The following TUSC3 variants were observed in gnomAD, a reference collection of about 807,000 sequenced individuals.
TUSC3 encodes the protein dolichyl-diphosphooligosaccharide--protein glycosyltransferase subunit TUSC3.
In TUSC3, 45 loss-of-function variants were observed where a neutral mutation model predicts 44.8. That is an observed-to-expected ratio of 1.00 (90% CI 0.79 to 1.29). The LOEUF (loss-of-function observed/expected upper bound fraction) is 1.29. TUSC3 is among the 50% of genes most tolerant of loss of function. The probability of loss-of-function intolerance (pLI) is 0.00; values close to 1 mark genes in which losing one functional copy is unlikely to be tolerated. For missense variants in TUSC3, 519 were observed against 437.9 expected (o/e 1.19, Z -1.65); for synonymous variants, 212 against 152.9 (o/e 1.39, Z -2.85).
At chr8:15,687,214 A>G (rs1441779427) in intron 6 of TUSC3, among the ~76,000 whole-genome samples, 1 of 152,260 alleles carries the variant, frequency 6.6e-6, no homozygotes, top group Admixed American at 6.5e-5. Flanking sequence ...TCTGATTAAC[A>G]TATTTGTTAG....
intron 1 of TUSC3, among the ~76,000 whole-genome samples, chr8:15,473,205 A>T (rs1800519799): frequency 6.6e-6 from 1 of 152,162 alleles, no homozygotes; most frequent in Non-Finnish European, 1.5e-5. Context: ...TGTCAATATT[A>T]TATTTGGAAG....
intron 1 of TUSC3, among the ~76,000 whole-genome samples, chr8:15,450,225 T>C (rs916291144): frequency 1.4e-5 from 2 of 147,214 alleles, no homozygotes; most frequent in Non-Finnish European, 3.1e-5. Context: ...ATCATTTTTC[T>C]TTTCTTTTTT....
intron 3 of TUSC3, among the ~76,000 whole-genome samples, chr8:15,658,778 G>C (rs139093718): frequency 0.016 from 2,365 of 151,520 alleles, 29 homozygotes; most frequent in Non-Finnish European, 0.024. Context: ...TATGTTTTTA[G>C]ATATTGTTAA....
intron 1 of TUSC3, among the ~76,000 whole-genome samples, chr8:15,478,519 C>T (rs1467406110): frequency 3.9e-5 from 6 of 152,142 alleles, no homozygotes; most frequent in Non-Finnish European, 7.3e-5. Context: ...TAAGTGAGAA[C>T]ATGCAATGTT....
At chr8:15,513,359 T>C (rs966078112) in intron 2 of TUSC3, among the ~76,000 whole-genome samples, 1 of 152,200 alleles carries the variant, frequency 6.6e-6, no homozygotes, top group Admixed American at 6.5e-5. Flanking sequence ...TGGAAGTTGC[T>C]GGTTGGAAGT....
intron 1 of TUSC3, among the ~76,000 whole-genome samples, chr8:15,543,159 A>G (rs1460439169): frequency 6.6e-6 from 1 of 152,232 alleles, no homozygotes; most frequent in Non-Finnish European, 1.5e-5. Flanking sequence ...AGCTGACTTT[A>G]AAACCTGATG....
chr8:15,419,840 C>G (rs142706304), intron 1 of TUSC3, among the ~76,000 whole-genome samples: 103 of 152,248 alleles, frequency 6.8e-4, no homozygotes, highest in African/African-American at 2.3e-3. Flanking sequence ...GTAAAGATTA[C>G]TTCATACAAT....
intron 1 of TUSC3, among the ~76,000 whole-genome samples, chr8:15,562,053 C>T (rs1802494544): frequency 6.6e-6 from 1 of 152,214 alleles, no homozygotes; most frequent in South Asian, 2.1e-4. Flanking sequence ...TTTAAGTAGG[C>T]CTTCATAGCT....
At chr8:15,769,837 T>TAG (rs1360223901), downstream of TUSC3, among the ~76,000 whole-genome samples, 1 of 152,180 alleles carries the variant, frequency 6.6e-6, no homozygotes, top group African/African-American at 2.4e-5. Context: ...CACTGGGCAT[T>TAG]AGAGAGATGC....
intron 6 of TUSC3, among the ~76,000 whole-genome samples, chr8:15,720,443 C>T (rs1190943093): frequency 6.6e-6 from 1 of 152,062 alleles, no homozygotes; most frequent in East Asian, 1.9e-4. Context: ...AGCCATGGTA[C>T]TGTCAACCAT....
chr8:15,789,111 T>C, the TUSC3 span, among the ~76,000 whole-genome samples: 36,286 of 152,116 alleles, frequency 0.24, 4,739 homozygotes, highest in Admixed American at 0.38. Context: ...TATGAACAAA[T>C]AGCATTATCC....
At chr8:15,495,973 C>T (rs1001407593) in intron 2 of TUSC3, among the ~76,000 whole-genome samples, 4 of 152,116 alleles carry the variant, frequency 2.6e-5, no homozygotes, top group Admixed American at 1.3e-4. Flanking sequence ...AAAAATATTG[C>T]ACCTACCTGA....
chr8:15,851,313 C>A, the TUSC3 span, among the ~76,000 whole-genome samples: 1 of 152,102 alleles, frequency 6.6e-6, no homozygotes, highest in Non-Finnish European at 1.5e-5. Context: ...AGACAAAAGT[C>A]CCTGGTCTTA....
intron 2 of TUSC3, among the ~76,000 whole-genome samples, chr8:15,650,180 G>C (rs1806826918): frequency 1.3e-5 from 2 of 152,156 alleles, no homozygotes; most frequent in Non-Finnish European, 2.9e-5. Flanking sequence ...GAGATAAATG[G>C]AATGAATAAG....
At chr8:15,700,889 G>C in intron 6 of TUSC3, among the ~76,000 whole-genome samples, 1 of 121,694 alleles carries the variant, frequency 8.2e-6, no homozygotes. Context: ...TGGTGTTTCT[G>C]GGTTGCCCAC....
intron 1 of TUSC3, among the ~76,000 whole-genome samples, chr8:15,581,938 C>T (rs1803367464): frequency 6.7e-6 from 1 of 149,586 alleles, no homozygotes; most frequent in Admixed American, 6.6e-5. Context: ...TGATCTCAGA[C>T]TGCTGTGCTA....
Position 15,717,699 on chromosome 8 carries a change from T to C in TUSC3, c.799-12967T>C, listed in dbSNP as rs181620001. On this transcript the variant is annotated intron_variant, in intron 6 of 10. Coordinates refer to ENST00000503731, the MANE Select transcript of TUSC3 (RefSeq NM_006765.4). Reference sequence around the variant, plus strand: ...TATTTCTCTAGCACTCATTTGGACATATAGCTAAATTGGCCACCAAAATTC... The same window carrying C: ...TATTTCTCTAGCACTCATTTGGACACATAGCTAAATTGGCCACCAAAATTC... 1.7e-4 allele frequency among the ~76,000 whole-genome samples: 26 copies of C among 152,258 alleles called. No homozygotes were observed. The East Asian group carries it at 3.9e-3, about 23-fold the overall frequency.
chr8:15,544,857 C>T (rs1801811819), intron 1 of TUSC3, among the ~76,000 whole-genome samples: 1 of 151,752 alleles, frequency 6.6e-6, no homozygotes, highest in African/African-American at 2.4e-5. Flanking sequence ...TATGTATGAC[C>T]ACCCCTTGAA....
intron 6 of TUSC3, among the ~76,000 whole-genome samples, chr8:15,702,773 GAAAC>G (rs373129819): frequency 3.7e-4 from 56 of 152,076 alleles, no homozygotes; most frequent in African/African-American, 1.3e-3. Flanking sequence ...ATAACAAATT[GAAAC>G]AAACAAACAA....
Sources: gnomAD v4.1 joint callset for allele counts (sites outside exome capture counted in the v4.1 genomes callset) on GRCh38, gnomAD v4.1.1 for gene constraint, MANE v1.5 for transcripts, NCBI Gene and HGNC (gene_info 2026-07-23, HGNC 2026-07-21) for gene names.